Variants in TBC1D22A observed in about 807,000 individuals in gnomAD.
TBC1D22A encodes TBC1 domain family member 22A.
Under a neutral mutation model 60.2 loss-of-function variants are expected in TBC1D22A, and 38 were observed. The observed-to-expected ratio is 0.63, with a 90% CI of 0.49 to 0.83. The LOEUF (loss-of-function observed/expected upper bound fraction) is 0.83. Among genes scored for constraint, TBC1D22A ranks in the 40% least tolerant of loss-of-function variants. TBC1D22A has a pLI of 0.00. For missense variants in TBC1D22A, 628 were observed against 701.0 expected (o/e 0.90, Z 1.18); for synonymous variants, 302 against 281.7 (o/e 1.07, Z -0.72).
intron 4 of TBC1D22A, among the ~76,000 whole-genome samples, chr22:46,828,276 A>T (rs1475049681): frequency 2.0e-5 from 3 of 152,272 alleles, no homozygotes; most frequent in Non-Finnish European, 2.9e-5. Flanking sequence ...AAGTTAAAAA[A>T]TGGAGGCCTC....
At chr22:46,868,065 G>A (rs537273601) in intron 4 of TBC1D22A, among the ~76,000 whole-genome samples, 8 of 152,336 alleles carry the variant, frequency 5.3e-5, no homozygotes, top group African/African-American at 1.2e-4. Flanking sequence ...GCTTTACAGC[G>A]GGTGCGGGTG....
At chr22:47,087,944 G>T (rs1044221396) in intron 11 of TBC1D22A, among the ~76,000 whole-genome samples, 6 of 151,980 alleles carry the variant, frequency 3.9e-5, no homozygotes, top group Admixed American at 1.3e-4. Flanking sequence ...GTGGTGGCGG[G>T]CGCCTGTAGT....
At chr22:46,828,066 C>T (rs967875502) in intron 4 of TBC1D22A, among the ~76,000 whole-genome samples, 2 of 152,168 alleles carry the variant, frequency 1.3e-5, no homozygotes, top group Admixed American at 6.5e-5. Context: ...TTCCGTGTGC[C>T]ATTGACTAAG....
chr22:47,004,049 A>G (rs765265855), intron 10 of TBC1D22A, among the ~76,000 whole-genome samples: 4 of 142,884 alleles, frequency 2.8e-5, no homozygotes, highest in African/African-American at 5.3e-5. Flanking sequence ...ATGCACCCCT[A>G]TATACACACA....
intron 10 of TBC1D22A, among the ~76,000 whole-genome samples, chr22:47,013,973 C>T (rs2061828842): frequency 6.6e-6 from 1 of 152,238 alleles, no homozygotes; most frequent in Non-Finnish European, 1.5e-5. Flanking sequence ...CTCGGTTTGA[C>T]CCTCTGCCGA....
chr22:46,889,740 A>C (rs965746786), intron 5 of TBC1D22A, among the ~76,000 whole-genome samples: 2 of 152,174 alleles, frequency 1.3e-5, no homozygotes, highest in Non-Finnish European at 2.9e-5. Context: ...AGCTTGCACG[A>C]TGTGTAGGTC....
intron 9 of TBC1D22A, among the ~76,000 whole-genome samples, chr22:46,975,679 G>C (rs1569295260): frequency 6.6e-6 from 1 of 152,220 alleles, no homozygotes; most frequent in Non-Finnish European, 1.5e-5. Context: ...ACTAAGTGAA[G>C]AGGTCTCAGC....
At chr22:47,073,013 T>C (rs1015420816) in intron 11 of TBC1D22A, among the ~76,000 whole-genome samples, 3 of 152,262 alleles carry the variant, frequency 2.0e-5, no homozygotes, top group Non-Finnish European at 4.4e-5. Context: ...GTCCTAAATT[T>C]ATTAAAGGCT....
chr22:46,885,908 ATTT>A (rs60941179), intron 5 of TBC1D22A, among the ~76,000 whole-genome samples: 2 of 138,830 alleles, frequency 1.4e-5, no homozygotes, highest in Admixed American at 7.1e-5. Context: ...TACTGTTAGA[ATTT>A]TTTTTTTTTT....
chr22:46,826,795 G>A (rs544928649), intron 4 of TBC1D22A, among the ~76,000 whole-genome samples: 5 of 151,994 alleles, frequency 3.3e-5, no homozygotes, highest in East Asian at 1.9e-4. Context: ...TAGCACCCAC[G>A]CAGCAGAGTC....
chr22:47,005,874 TACAC>T (rs900120346), intron 10 of TBC1D22A, among the ~76,000 whole-genome samples: 1 of 148,738 alleles, frequency 6.7e-6, no homozygotes, highest in Non-Finnish European at 1.5e-5. Flanking sequence ...CACCCCCATA[TACAC>T]ACACACCTCC....
intron 8 of TBC1D22A, among the ~76,000 whole-genome samples, chr22:46,918,207 T>G (rs1434842043): frequency 6.6e-6 from 1 of 152,250 alleles, no homozygotes; most frequent in East Asian, 1.9e-4. Context: ...TGCCTGTGGC[T>G]TTCCTCTGCT....
intron 12 of TBC1D22A, among the ~76,000 whole-genome samples, chr22:47,130,452 A>C (rs1201711585): frequency 6.6e-6 from 1 of 152,140 alleles, no homozygotes; most frequent in Non-Finnish European, 1.5e-5. Flanking sequence ...TGAGATCTAC[A>C]TGTCTGGATA....
chr22:46,909,691 C>T (rs2069760235), intron 7 of TBC1D22A, among the ~76,000 whole-genome samples: 1 of 152,220 alleles, frequency 6.6e-6, no homozygotes, highest in Non-Finnish European at 1.5e-5. Flanking sequence ...GTCCCCTCTG[C>T]CCCCTGCTCC....
chr22:46,846,671 G>A (rs890001285), intron 4 of TBC1D22A, among the ~76,000 whole-genome samples: 1 of 152,166 alleles, frequency 6.6e-6, no homozygotes, highest in Non-Finnish European at 1.5e-5. Flanking sequence ...AGCCAGATTC[G>A]GCGGGTATCA....
chr22:46,982,675 C>T (rs529839924), intron 9 of TBC1D22A, among the ~76,000 whole-genome samples: 14 of 152,256 alleles, frequency 9.2e-5, no homozygotes, highest in African/African-American at 2.6e-4. Flanking sequence ...AACAACGAAT[C>T]GATGTCATTG....
At chr22:46,897,217 G>C (rs750719740) in intron 7 of TBC1D22A, among the ~76,000 whole-genome samples, 1 of 152,104 alleles carries the variant, frequency 6.6e-6, no homozygotes, top group Admixed American at 6.5e-5. Context: ...TCCACAGGTC[G>C]GGAGTGGACC....
intron 4 of TBC1D22A, among the ~76,000 whole-genome samples, chr22:46,874,788 G>C (rs537749354): frequency 6.6e-6 from 1 of 151,982 alleles, no homozygotes; most frequent in African/African-American, 2.4e-5. Context: ...TGCCCAGGCT[G>C]GTCTCGAATT....
At chr22:47,117,811 C>T (rs1028577099) in intron 12 of TBC1D22A, among the ~76,000 whole-genome samples, 1 of 152,110 alleles carries the variant, frequency 6.6e-6, no homozygotes, top group African/African-American at 2.4e-5. Context: ...AAAGTTTAAG[C>T]ATATTTAGTT....
Sources: gnomAD v4.1 joint callset for allele counts (sites outside exome capture counted in the v4.1 genomes callset) on GRCh38, gnomAD v4.1.1 for gene constraint, MANE v1.5 for transcripts, NCBI Gene and HGNC (gene_info 2026-07-23, HGNC 2026-07-21) for gene names.